The following SPAG17 variants were observed in gnomAD, a reference collection of about 807,000 sequenced individuals.
SPAG17 encodes the protein sperm associated antigen 17.
In SPAG17, 169 loss-of-function variants were observed where a neutral mutation model predicts 273.6. That is an observed-to-expected ratio of 0.62 (90% CI 0.55 to 0.70). The LOEUF (loss-of-function observed/expected upper bound fraction) is 0.70. Among genes scored for constraint, SPAG17 ranks in the 30% least tolerant of loss-of-function variants. The pLI, the probability that SPAG17 is intolerant of heterozygous loss-of-function variation, is 0.00. For missense variants in SPAG17, 2,557 were observed against 2,627.8 expected (o/e 0.97, Z 0.59); for synonymous variants, 825 against 873.2 (o/e 0.94, Z 0.97).
At chr1:117,984,221 T>C (rs1025264786) in intron 41 of SPAG17, among the ~76,000 whole-genome samples, 1 of 152,204 alleles carries the variant, frequency 6.6e-6, no homozygotes, top group African/African-American at 2.4e-5. Flanking sequence ...GCTGTGGTCC[T>C]ACAGGTAGGC....
At chr1:118,181,489 G>C (rs1172573366) in intron 1 of SPAG17, among the ~76,000 whole-genome samples, 2 of 152,002 alleles carry the variant, frequency 1.3e-5, no homozygotes, top group African/African-American at 4.8e-5. Flanking sequence ...AACCAAGAGA[G>C]AGCAGGGGAA....
At chr1:117,999,352 G>C (rs1658014007) in intron 32 of SPAG17, among the ~76,000 whole-genome samples, 1 of 152,098 alleles carries the variant, frequency 6.6e-6, no homozygotes, top group South Asian at 2.1e-4. Flanking sequence ...CCCAGTAATG[G>C]GATTGCTGGG....
At chr1:118,093,454 A>G in intron 7 of SPAG17, 137 bp from the exon 8 acceptor site, 2 of 787,506 alleles carry the variant, frequency 2.5e-6, no homozygotes, top group East Asian at 2.8e-5. Context: ...AAACCACTGA[A>G]TCCCAACCAT....
At position 117,973,272 on chromosome 1, in the gene SPAG17, C is replaced by T. The variant is rs148924808; in HGVS notation, c.6141+153G>A. 2.6e-4 allele frequency among the ~76,000 whole-genome samples: 39 copies of T among 151,978 alleles called. No individual in the cohort carries two copies. The East Asian group carries it at 6.6e-3, about 26-fold the overall frequency. ...TTCATGGTGAGATGGTAGATACGGT[C>T]AATAGCAGTACACAGTGGCCGGAAA... On this transcript the variant is annotated intron_variant, in intron 44 of 48. Transcript: ENST00000336338.
At position 117,953,930 on chromosome 1, in the gene SPAG17, G is replaced by C; in HGVS notation, c.*120C>G. The C allele has an allele frequency of 7.9e-7, 1 of 1,260,480 alleles. No homozygotes were observed. Among genetic ancestry groups the C allele is most frequent in the Non-Finnish European group, 1.1e-6 (1 of 900,564 alleles). 78.1% of individuals were successfully genotyped at this position (1,260,480 alleles called of 1,614,324 possible). ...AGCTATTTCATTTGGCAAATTTCTGGTCAGTTCTTCCAGTTTCAGTGTCCT... is the reference window on the plus strand; with the variant it reads ...AGCTATTTCATTTGGCAAATTTCTGCTCAGTTCTTCCAGTTTCAGTGTCCT... On this transcript the variant is annotated 3_prime_UTR_variant, in exon 49 of 49. Coordinates refer to ENST00000336338, the MANE Select transcript of SPAG17 (RefSeq NM_206996.4).
intron 31 of SPAG17, among the ~76,000 whole-genome samples, chr1:118,006,702 C>T (rs746860955): frequency 2.9e-4 from 44 of 152,288 alleles, no homozygotes; most frequent in Middle Eastern, 3.4e-3. Context: ...AAGTGACTAA[C>T]CACTTTCCAA....
intron 1 of SPAG17, among the ~76,000 whole-genome samples, chr1:118,160,284 GAT>G (rs1350191356): frequency 1.3e-5 from 2 of 152,158 alleles, no homozygotes; most frequent in African/African-American, 4.8e-5. Flanking sequence ...TAAAAAATAA[GAT>G]ATATTTTTAA....
At chr1:118,153,687 A>G (rs1659505703) in intron 1 of SPAG17, among the ~76,000 whole-genome samples, 1 of 151,922 alleles carries the variant, frequency 6.6e-6, no homozygotes, top group African/African-American at 2.4e-5. Flanking sequence ...TCTCTACTAA[A>G]AGATACAAAA....
intron 7 of SPAG17, among the ~76,000 whole-genome samples, chr1:118,095,128 C>T (rs1655625188): frequency 6.6e-6 from 1 of 152,126 alleles, no homozygotes; most frequent in African/African-American, 2.4e-5. Context: ...TTAAACTGTT[C>T]CATTCTGTAT....
chr1:118,129,636 C>G (rs1657940274), intron 3 of SPAG17, among the ~76,000 whole-genome samples: 1 of 151,794 alleles, frequency 6.6e-6, no homozygotes. Context: ...TTCTCCTCCT[C>G]CTCCCCCTGC....
chr1:118,012,146 G>A (rs765275676), intron 30 of SPAG17, 82 bp downstream of exon 30: 87 of 1,394,358 alleles, frequency 6.2e-5, no homozygotes, highest in Middle Eastern at 2.5e-4. Context: ...TTATGTGTAT[G>A]TTCAGCAGTC....
intron 1 of SPAG17, among the ~76,000 whole-genome samples, chr1:118,166,578 A>AT (rs949131518): frequency 7.3e-5 from 11 of 151,616 alleles, no homozygotes; most frequent in East Asian, 1.9e-4. Context: ...ATTTTGTCTA[A>AT]TTTTTTTTTC....
At chr1:118,146,333 C>G (rs915097447) in intron 3 of SPAG17, among the ~76,000 whole-genome samples, 1 of 152,106 alleles carries the variant, frequency 6.6e-6, no homozygotes, top group Non-Finnish European at 1.5e-5. Flanking sequence ...ACTGACTATA[C>G]CTGTAAATGA....
At chr1:118,004,417 A>C (rs1332784515) in intron 32 of SPAG17, among the ~76,000 whole-genome samples, 1 of 152,190 alleles carries the variant, frequency 6.6e-6, no homozygotes, top group Non-Finnish European at 1.5e-5. Flanking sequence ...AGCCCTGCCC[A>C]CAGAGGTGGA....
chr1:118,050,023 G>C (rs1650820492), intron 20 of SPAG17, among the ~76,000 whole-genome samples: 1 of 152,150 alleles, frequency 6.6e-6, no homozygotes, highest in Non-Finnish European at 1.5e-5. Context: ...CAAAATAGTG[G>C]AGTTTAACTG....
chr1:117,955,465 G>T, intron 48 of SPAG17: 1 of 1,033,316 alleles, frequency 9.7e-7, no homozygotes, highest in Non-Finnish European at 1.4e-6. Context: ...TTATCTTATA[G>T]GTTTAACTAT....
intron 48 of SPAG17, among the ~76,000 whole-genome samples, chr1:117,958,707 A>C (rs1263513001): frequency 6.6e-6 from 1 of 151,758 alleles, no homozygotes; most frequent in Non-Finnish European, 1.5e-5. Flanking sequence ...AAGGTTTAGG[A>C]CAGTATTTTT....
At chr1:118,015,178 G>C (rs1413425878) in intron 29 of SPAG17, among the ~76,000 whole-genome samples, 1 of 151,786 alleles carries the variant, frequency 6.6e-6, no homozygotes, top group Non-Finnish European at 1.5e-5. Context: ...CCAGCTACAT[G>C]GGAGGCTGAG....
intron 32 of SPAG17, among the ~76,000 whole-genome samples, chr1:117,999,125 C>T (rs72697567): frequency 0.082 from 12,495 of 152,102 alleles, 652 homozygotes; most frequent in Middle Eastern, 0.14. Context: ...ATGATGTTTC[C>T]AGTTTCATCC....
Sources: gnomAD v4.1 joint callset for allele counts (sites outside exome capture counted in the v4.1 genomes callset) on GRCh38, gnomAD v4.1.1 for gene constraint, MANE v1.5 for transcripts, NCBI Gene and HGNC (gene_info 2026-07-23, HGNC 2026-07-21) for gene names.